Variants in EZH2 observed in about 807,000 individuals in gnomAD.
EZH2 encodes the protein histone-lysine N-methyltransferase EZH2.
A neutral mutation model predicts 98.4 loss-of-function variants in EZH2; 18 were observed. That is an observed-to-expected ratio of 0.18 (90% CI 0.13 to 0.27). The LOEUF (loss-of-function observed/expected upper bound fraction) is 0.27. Among genes scored for constraint, EZH2 ranks in the 10% least tolerant of loss-of-function variants. The probability of loss-of-function intolerance (pLI) is 1.00; values close to 1 mark genes in which losing one functional copy is unlikely to be tolerated. For missense variants in EZH2, 470 were observed against 935.1 expected, an observed-to-expected ratio of 0.50 and a Z score of 6.49; for synonymous variants, 338 against 312.3, an observed-to-expected ratio of 1.08 and a Z score of -0.87.
chr7:148,859,210 A>G (rs1449704071), intron 1 of EZH2, among the ~76,000 whole-genome samples: 3 of 151,878 alleles, frequency 2.0e-5, no homozygotes, highest in African/African-American at 7.2e-5. Context: ...GGACAGAAAC[A>G]GTTAAAAACA....
At chr7:148,812,413 A>G (rs1293066885) in intron 15 of EZH2, among the ~76,000 whole-genome samples, 1 of 152,202 alleles carries the variant, frequency 6.6e-6, no homozygotes, top group Non-Finnish European at 1.5e-5. Context: ...ACGGCTCAGT[A>G]TTATGCTTTC....
chr7:148,850,530 G>C (rs1189663255), intron 1 of EZH2: 2 of 651,780 alleles, frequency 3.1e-6, no homozygotes, highest in Admixed American at 1.3e-4. Context: ...GTAGACCTGT[G>C]AAAGAATATT....
intron 1 of EZH2, among the ~76,000 whole-genome samples, chr7:148,854,394 C>T (rs1816434205): frequency 6.6e-6 from 1 of 151,534 alleles, no homozygotes; most frequent in Non-Finnish European, 1.5e-5. Flanking sequence ...CGAGATCGTG[C>T]CACTGCATTC....
At position 148,835,416 on chromosome 7, in the gene EZH2, C is replaced by A. The variant is rs559632304; in HGVS notation, c.247-2666G>T. On this transcript the variant is annotated intron_variant, in intron 3 of 19. Coordinates refer to ENST00000320356, the MANE Select transcript of EZH2 (RefSeq NM_004456.5). ...TCCAGCCTGGGTGACGACGGGAGACCCCGCCTCAAAAAAAAAAAAAAAAAG... is the reference window on the plus strand; with the variant it reads ...TCCAGCCTGGGTGACGACGGGAGACACCGCCTCAAAAAAAAAAAAAAAAAG... Among the ~76,000 whole-genome samples, 253 of 149,614 alleles carry A rather than the reference C, an allele frequency of 1.7e-3. 1 individual carries two copies. The highest frequency in any genetic ancestry group is 5.8e-3 in the African/African-American group (236 of 40,700).
At chr7:148,854,368 A>G (rs1341478782) in intron 1 of EZH2, among the ~76,000 whole-genome samples, 1 of 151,636 alleles carries the variant, frequency 6.6e-6, no homozygotes, top group Non-Finnish European at 1.5e-5. Flanking sequence ...CCCGGGAGGC[A>G]GAGCTTGCAG....
intron 1 of EZH2, among the ~76,000 whole-genome samples, chr7:148,849,285 A>C (rs1302833272): frequency 6.6e-6 from 1 of 152,172 alleles, no homozygotes; most frequent in African/African-American, 2.4e-5. Context: ...CTCAATCTTA[A>C]AAGCTGAGCT....
intron 1 of EZH2, among the ~76,000 whole-genome samples, chr7:148,858,258 C>T (rs1817142035): frequency 6.6e-6 from 1 of 151,220 alleles, no homozygotes; most frequent in African/African-American, 2.4e-5. Context: ...CGCCACTGCA[C>T]TCCAGCCTGG....
intron 1 of EZH2, among the ~76,000 whole-genome samples, chr7:148,871,109 A>G (rs1436372229): frequency 1.3e-5 from 2 of 152,162 alleles, no homozygotes; most frequent in Non-Finnish European, 2.9e-5. Context: ...AGGATACTCA[A>G]CATTGTTAAT....
At chr7:148,846,796 T>A (rs1355315521) in intron 2 of EZH2, among the ~76,000 whole-genome samples, 198 bp from the exon 3 acceptor site, 27 of 151,552 alleles carry the variant, frequency 1.8e-4, no homozygotes, top group Admixed American at 1.8e-3. Context: ...TTATTGCAAG[T>A]GGTTAGAGAA....
intron 3 of EZH2, among the ~76,000 whole-genome samples, chr7:148,833,708 A>C (rs1810072108): frequency 6.6e-6 from 1 of 152,220 alleles, no homozygotes; most frequent in South Asian, 2.1e-4. Flanking sequence ...AGGCTATTTT[A>C]AACACATTAC....
chr7:148,822,507 CAAA>C (rs779600590), intron 8 of EZH2, among the ~76,000 whole-genome samples: 1 of 108,146 alleles, frequency 9.2e-6, no homozygotes, highest in African/African-American at 3.5e-5. Flanking sequence ...AAGACTGTCT[CAAA>C]AAAAAAAAAA....
intron 1 of EZH2, among the ~76,000 whole-genome samples, chr7:148,862,762 T>G (rs1817873282): frequency 6.6e-6 from 1 of 152,194 alleles, no homozygotes; most frequent in African/African-American, 2.4e-5. Flanking sequence ...GATCAAGATT[T>G]AATAAAATTA....
intron 1 of EZH2, among the ~76,000 whole-genome samples, chr7:148,875,764 TAGC>T (rs1229194552): frequency 2.0e-5 from 3 of 152,246 alleles, no homozygotes; most frequent in Admixed American, 1.3e-4. Flanking sequence ...CAAATGGTGA[TAGC>T]AGCTTTATCA....
At chr7:148,826,712 G>A in intron 7 of EZH2, 80 bp from the exon 8 acceptor site, 2 of 1,210,228 alleles carry the variant, frequency 1.7e-6, no homozygotes, top group African/African-American at 1.5e-5. Flanking sequence ...AGGTTTCCAT[G>A]TGTTACTTTT....
Position 148,817,411 on chromosome 7 carries a change from C to T in EZH2, c.1241-20G>A, listed in dbSNP as rs1584933509. The stretch of plus-strand genomic sequence containing the variant: ...TTGCTTCTACAAAACCAAATGTAAG[C>T]ACTGGTCAAGAAATGATTGGAAATA... On this transcript the variant is annotated intron_variant, in intron 10 of 19. Coordinates refer to ENST00000320356, the MANE Select transcript of EZH2 (RefSeq NM_004456.5). The T allele has an allele frequency of 6.2e-7, 1 of 1,606,998 alleles. No homozygotes were observed. The highest frequency in any genetic ancestry group is 2.2e-5 in the East Asian group (1 of 44,724).
chr7:148,870,629 G>A (rs768738463), intron 1 of EZH2, among the ~76,000 whole-genome samples: 3 of 151,594 alleles, frequency 2.0e-5, no homozygotes, highest in Non-Finnish European at 4.4e-5. Context: ...TTGAGCCCAG[G>A]AGGTCAAGGC....
intron 1 of EZH2, among the ~76,000 whole-genome samples, chr7:148,848,495 C>T (rs536477659): frequency 9.1e-4 from 139 of 152,258 alleles, no homozygotes; most frequent in Non-Finnish European, 1.7e-3. Flanking sequence ...ATAAAAACTT[C>T]ATGCACAGAG....
In EZH2 at chr7:148,818,084, C is replaced by T. The variant is rs1390180981; in HGVS notation, c.1033G>A (p.Ala345Thr). Residue 345 changes from alanine to threonine, a missense_variant, in exon 10 of 20, where the codon GCT (alanine) becomes ACT (threonine). Ala to Thr is a moderately conservative substitution (Grantham distance 58, BLOSUM62 0). Coordinates refer to ENST00000320356, the MANE Select transcript of EZH2 (RefSeq NM_004456.5). ...GAKEFAAALT[A>T]ERIKTPPKRP... ...TTTGGTGGGGTCTTTATCCGCTCAG[C>T]GGTGAGAGCAGCAGCAAACTCCTTT... 6 of 1,606,900 alleles carry T rather than the reference C, an allele frequency of 3.7e-6. No homozygotes were observed. The highest frequency in any genetic ancestry group is 1.1e-5 in the South Asian group (1 of 89,964).
intron 10 of EZH2, 33 bp downstream of exon 10, chr7:148,817,844 A>T (rs1476323855): frequency 6.2e-7 from 1 of 1,614,092 alleles, no homozygotes; most frequent in African/African-American, 1.3e-5. Flanking sequence ...ACTTTCACAG[A>T]ACAGTAAAAC....
Sources: gnomAD v4.1 joint callset for allele counts (sites outside exome capture counted in the v4.1 genomes callset) on GRCh38, gnomAD v4.1.1 for gene constraint, MANE v1.5 for transcripts, NCBI Gene and HGNC (gene_info 2026-07-23, HGNC 2026-07-21) for gene names.